Variants in PHLDB2 observed in about 807,000 individuals in gnomAD.
The protein encoded by PHLDB2 is pleckstrin homology-like domain family B member 2.
In PHLDB2, 71 loss-of-function variants were observed where a neutral mutation model predicts 123.6. That is an observed-to-expected ratio of 0.57 (90% CI 0.47 to 0.70). The LOEUF is 0.70. PHLDB2 is among the 30% of genes least tolerant of loss of function. The probability of loss-of-function intolerance (pLI) is 0.00; values close to 1 mark genes in which losing one functional copy is unlikely to be tolerated. For missense variants in PHLDB2, 1,446 were observed against 1,519.5 expected (o/e 0.95, Z 0.80); for synonymous variants, 547 against 541.6 (o/e 1.01, Z -0.14).
intron 1 of PHLDB2, among the ~76,000 whole-genome samples, chr3:111,751,396 A>G (rs2107966091): frequency 6.6e-6 from 1 of 152,330 alleles, no homozygotes; most frequent in East Asian, 1.9e-4. Context: ...CCTATTTATT[A>G]CTTATTACCA....
chr3:111,883,006 A>C (rs1032924957), intron 1 of PHLDB2, among the ~76,000 whole-genome samples: 7 of 152,166 alleles, frequency 4.6e-5, no homozygotes, highest in African/African-American at 1.7e-4. Context: ...TTATATATAG[A>C]CCAGAGATGT....
upstream of PHLDB2, among the ~76,000 whole-genome samples, chr3:111,857,692 C>T (rs923132052): frequency 3.9e-5 from 6 of 152,210 alleles, no homozygotes; most frequent in Non-Finnish European, 8.8e-5. Context: ...TCCTAACAAA[C>T]ATATGAAAAA....
Position 111,973,765 on chromosome 3 carries a change from A to G in PHLDB2, c.3569A>G (p.Tyr1190Cys), listed in dbSNP as rs775735340. The G allele has an allele frequency of 6.2e-7, 1 of 1,603,670 alleles. No individual in the cohort carries two copies. Among genetic ancestry groups the G allele is most frequent in the Non-Finnish European group, 8.5e-7 (1 of 1,172,996 alleles). Residue 1190 changes from tyrosine to cysteine, a missense_variant, in exon 17 of 18, where the codon TAC becomes TGC. Coordinates refer to ENST00000431670, the MANE Select transcript of PHLDB2 (RefSeq NM_001134438.2). ...KHETKLKGVI[Y>C]FQAIEEVYYD... ...GAAACTAAATTGAAAGGAGTAATAT[A>G]CTTTCAAGCCATTGAAGAAGTCTAT... is the stretch of plus-strand genomic sequence containing the variant.
chr3:111,823,625 T>A (rs1366112570), intron 1 of PHLDB2, among the ~76,000 whole-genome samples: 1 of 152,228 alleles, frequency 6.6e-6, no homozygotes, highest in Non-Finnish European at 1.5e-5. Context: ...CAAAGTCTTA[T>A]CTATTCACAT....
intron 2 of PHLDB2, among the ~76,000 whole-genome samples, chr3:111,886,791 T>C (rs2066190401): frequency 6.6e-6 from 1 of 152,236 alleles, no homozygotes; most frequent in Non-Finnish European, 1.5e-5. Context: ...TTCCTCTTTA[T>C]TACCATAAAT....
At chr3:111,924,815 C>T (rs1453824395) in intron 5 of PHLDB2, among the ~76,000 whole-genome samples, 1 of 152,168 alleles carries the variant, frequency 6.6e-6, no homozygotes, top group Non-Finnish European at 1.5e-5. Context: ...CAGAATGCCT[C>T]CCCATTCAAA....
intron 2 of PHLDB2, among the ~76,000 whole-genome samples, chr3:111,849,869 C>G (rs1315735040): frequency 6.7e-6 from 1 of 148,920 alleles, no homozygotes; most frequent in Non-Finnish European, 1.5e-5. Flanking sequence ...GGCCATTATT[C>G]TTTTTTTTTT....
intron 13 of PHLDB2, among the ~76,000 whole-genome samples, chr3:111,965,363 A>T (rs1577215023): frequency 6.6e-6 from 1 of 152,208 alleles, no homozygotes; most frequent in East Asian, 1.9e-4. Context: ...GTGTTTTGTA[A>T]TGGGGCTGTC....
intron 2 of PHLDB2, among the ~76,000 whole-genome samples, chr3:111,895,602 C>T (rs946336458): frequency 2.6e-5 from 4 of 152,094 alleles, no homozygotes; most frequent in African/African-American, 7.2e-5. Context: ...AATCCCAGCA[C>T]TCTGGGAGGC....
chr3:111,952,439 A>G (rs1163150956), intron 10 of PHLDB2, 133 bp from the exon 11 acceptor site: 15 of 905,742 alleles, frequency 1.7e-5, no homozygotes, highest in Non-Finnish European at 2.3e-5. Context: ...TGAACACAAT[A>G]TATGTTGAAT....
rs150786626 is a variant in PHLDB2, at chr3:111,861,810, A to G, written c.-15+2234A>G. Among the ~76,000 whole-genome samples the G allele has an allele frequency of 2.5e-3, 386 of 152,336 alleles. 1 individual carries two copies. Among genetic ancestry groups the G allele is most frequent in the African/African-American group, 8.6e-3 (357 of 41,568 alleles). On this transcript the variant is annotated intron_variant, in intron 1 of 17. Transcript: ENST00000431670. ...ATGCAAGAGAGGAAAAAATAAGCCA[A>G]AGTGATTAACCAATCTCTGGTTTTC...
rs573035932 is a variant in PHLDB2, at chr3:111,819,805, A to G, written c.-48-26016A>G. On this transcript the variant is annotated intron_variant, in intron 1 of 17. Transcript: ENST00000393923. ...TATTCTAATTTTCTTTTATCTGTTT[A>G]CCCCAAAGACAAACAAATACCAATG... Among the ~76,000 whole-genome samples, 5 of 152,180 alleles carry G rather than the reference A, an allele frequency of 3.3e-5. No homozygotes were observed. The East Asian group carries it at 7.7e-4, about 23-fold the overall frequency.
At chr3:111,860,202 A>T (rs1312986391) in intron 1 of PHLDB2, among the ~76,000 whole-genome samples, 2 of 152,008 alleles carry the variant, frequency 1.3e-5, no homozygotes, top group Non-Finnish European at 2.9e-5. Context: ...TGAGAAAGAG[A>T]AGGTCCGCTG....
upstream of PHLDB2, among the ~76,000 whole-genome samples, chr3:111,857,461 AAAAG>A (rs1559870516): frequency 1.7e-4 from 3 of 17,720 alleles, no homozygotes; most frequent in Non-Finnish European, 1.4e-3. Flanking sequence ...AAAAAAAAAA[AAAAG>A]AAAAGAAAAG....
At chr3:111,935,194 G>A (rs559938633) in intron 6 of PHLDB2, among the ~76,000 whole-genome samples, 41 of 148,546 alleles carry the variant, frequency 2.8e-4, no homozygotes, top group African/African-American at 9.7e-4. Flanking sequence ...CCACCTCCCA[G>A]GTTCACGCCA....
intron 1 of PHLDB2, among the ~76,000 whole-genome samples, chr3:111,880,699 C>T (rs1391675485): frequency 6.7e-6 from 1 of 149,962 alleles, no homozygotes; most frequent in Non-Finnish European, 1.5e-5. Flanking sequence ...TTTTCAAGAT[C>T]GGGCAAATTT....
chr3:111,903,397 C>T (rs2067312736), intron 2 of PHLDB2, among the ~76,000 whole-genome samples: 1 of 152,082 alleles, frequency 6.6e-6, no homozygotes, highest in South Asian at 2.1e-4. Context: ...CCTTTCTCCC[C>T]AGGTTACTAT....
At chr3:111,920,460 AG>A in intron 5 of PHLDB2, 41 bp downstream of exon 5, 1 of 1,599,122 alleles carries the variant, frequency 6.3e-7, no homozygotes, top group Non-Finnish European at 8.5e-7. Context: ...TTATGGGCAA[AG>A]TGGTGGTCCC....
In PHLDB2 at chr3:111,739,006, A is replaced by G. The variant is rs190296082; in HGVS notation, c.-49+6303A>G. ...AGTCACTTCGGCTTTCGTGGCCTCAATTTTCTCATTTTCAAAATGGAGGCA... is the reference window on the plus strand; with the variant it reads ...AGTCACTTCGGCTTTCGTGGCCTCAGTTTTCTCATTTTCAAAATGGAGGCA... On this transcript the variant is annotated intron_variant, in intron 1 of 17. Coordinates refer to the PHLDB2 transcript ENST00000393923. Among the ~76,000 whole-genome samples the G allele has an allele frequency of 3.7e-3, 570 of 152,296 alleles. 12 individuals are homozygous for G. The highest frequency in any genetic ancestry group is 7.7e-3 in the South Asian group (37 of 4,818).
Sources: allele counts gnomAD v4.1 joint callset (sites outside exome capture counted in the v4.1 genomes callset), GRCh38; gene constraint gnomAD v4.1.1; transcripts MANE v1.5; gene names NCBI Gene and HGNC (gene_info 2026-07-23, HGNC 2026-07-21).